JAKMIP1: variants seen among roughly 807,000 people sequenced by gnomAD.
The protein encoded by JAKMIP1 is janus kinase and microtubule-interacting protein 1.
A neutral mutation model predicts 113.0 loss-of-function variants in JAKMIP1; 33 were observed. The observed-to-expected ratio is 0.29, with a 90% CI of 0.22 to 0.39. The LOEUF is 0.39. JAKMIP1 is among the 10% of genes least tolerant of loss of function. The pLI is 1.00. For synonymous variants in JAKMIP1, 480 were observed against 459.9 expected (o/e 1.04, Z -0.56); for missense variants, 813 against 1,080.5 (o/e 0.75, Z 3.47).
chr4:6,144,735 C>A (rs180924750), intron 1 of JAKMIP1, among the ~76,000 whole-genome samples: 302 of 152,236 alleles, frequency 2.0e-3, no homozygotes, highest in African/African-American at 6.5e-3. Context: ...CTTTCACAAC[C>A]CAATAAAGAG....
At chr4:6,149,713 C>G (rs1721325754) in intron 1 of JAKMIP1, among the ~76,000 whole-genome samples, 1 of 152,054 alleles carries the variant, frequency 6.6e-6, no homozygotes, top group Non-Finnish European at 1.5e-5. Context: ...TTCTTCTGAT[C>G]TGGCCAGGGC....
chr4:6,048,278 A>G (rs975744690), intron 16 of JAKMIP1, among the ~76,000 whole-genome samples: 2 of 152,262 alleles, frequency 1.3e-5, no homozygotes, highest in Admixed American at 6.5e-5. Context: ...ACAATGCCGT[A>G]GTCCTTCAAG....
intron 1 of JAKMIP1, among the ~76,000 whole-genome samples, chr4:6,148,465 GAT>G (rs1475898323): frequency 6.6e-6 from 1 of 152,242 alleles, no homozygotes; most frequent in Non-Finnish European, 1.5e-5. Context: ...AGTCCTTCGA[GAT>G]ACACAGGACA....
chr4:6,105,952 C>A lies in JAKMIP1; in HGVS notation c.145G>T (p.Glu49Ter). Residue 49 changes from glutamate to a stop codon, truncating the protein, a stop_gained, in exon 3 of 21, where the codon GAG becomes TAG. Transcript: ENST00000409021. LOFTEE classifies it high-confidence loss of function. Reference protein sequence around the residue: ...QEKSKVGKLRERLQEAKLERE... With the variant: ...QEKSKVGKLR ...TCCAGCTTCGCCTCCTGCAGCCGCT[C>A]GCGCAGTTTGCCCACCTGCAGCCAG... 6.3e-7 allele frequency: 1 copy of A among 1,599,176 alleles called. No individual in the cohort carries two copies. The highest frequency in any genetic ancestry group is 1.1e-5 in the South Asian group (1 of 89,740).
chr4:6,125,737 ACCCACCATACAGAAACACACACG>A, intron 1 of JAKMIP1, among the ~76,000 whole-genome samples: 2 of 144,402 alleles, frequency 1.4e-5, no homozygotes, highest in Admixed American at 6.9e-5. Context: ...CACACACCAT[ACCCACCATACAGAAACACACACG>A]CACACCATAC....
chr4:6,040,607 A>T lies in JAKMIP1; in HGVS notation c.2175+32T>A. On this transcript the variant is annotated intron_variant, in intron 18 of 20. Coordinates refer to ENST00000409021, the MANE Select transcript of JAKMIP1 (RefSeq NM_001099433.2). This position sits in a 1 kb window ranked among gnomAD's most constrained non-coding sequence, Gnocchi z 5.8. Reference sequence around the variant, plus strand: ...GCAGCCTCTAATGTGGAGTCTAAGAAGCCAAAGTGTCAAACCCACTTCTGG... The same window carrying T: ...GCAGCCTCTAATGTGGAGTCTAAGATGCCAAAGTGTCAAACCCACTTCTGG... 6.5e-7 allele frequency: 1 copy of T among 1,540,606 alleles called. No individual in the cohort carries two copies. Among genetic ancestry groups the T allele is most frequent in the Non-Finnish European group, 9.0e-7 (1 of 1,114,454 alleles).
chr4:6,077,151 A>G (rs1376753343), intron 8 of JAKMIP1, among the ~76,000 whole-genome samples: 1 of 152,228 alleles, frequency 6.6e-6, no homozygotes, highest in Non-Finnish European at 1.5e-5. Flanking sequence ...GTACCTCAGA[A>G]TGTGACTTAT....
intron 11 of JAKMIP1, among the ~76,000 whole-genome samples, chr4:6,057,459 G>A (rs1480426575): frequency 6.6e-6 from 1 of 152,190 alleles, no homozygotes; most frequent in Non-Finnish European, 1.5e-5. Flanking sequence ...CTGAGAAGCA[G>A]AGGCCCGGCC....
At chr4:6,055,395 G>A (rs74908453) in intron 12 of JAKMIP1, among the ~76,000 whole-genome samples, 4,636 of 152,274 alleles carry the variant, frequency 0.03, 207 homozygotes, top group African/African-American at 0.092. Flanking sequence ...AATAAGCTAC[G>A]ATTTTAATTC....
chr4:6,094,404 C>T lies in JAKMIP1; in HGVS notation c.625-8775G>A, dbSNP rs1722524145. Among the ~76,000 whole-genome samples, 1 of 152,210 alleles carries T rather than the reference C, an allele frequency of 6.6e-6. No homozygotes were observed. Among genetic ancestry groups the T allele is most frequent in the Admixed American group, 6.5e-5 (1 of 15,286 alleles). On this transcript the variant is annotated intron_variant, in intron 3 of 20. Transcript: ENST00000409021. This position sits in a 1 kb window ranked among gnomAD's most constrained non-coding sequence, Gnocchi z 4.2. ...CCAGAAATGGGCCACTCCTACCCAA[C>T]TGACAGGAGGAATCGTGCTAAGAAA...
chr4:6,175,113 C>T (rs745995934), intron 1 of JAKMIP1, among the ~76,000 whole-genome samples: 1 of 152,148 alleles, frequency 6.6e-6, no homozygotes, highest in Non-Finnish European at 1.5e-5. Context: ...ACAAGTCCCC[C>T]CAAACTCCCC....
At chr4:6,121,686 C>T (rs568840831) in intron 1 of JAKMIP1, among the ~76,000 whole-genome samples, 19 of 152,306 alleles carry the variant, frequency 1.2e-4, no homozygotes, top group African/African-American at 3.1e-4. Context: ...GATCGCAGCG[C>T]GGCTCCAGCC....
In JAKMIP1 at chr4:6,187,676, C is replaced by G. The variant is rs777236453; in HGVS notation, c.-148+12577G>C. Among the ~76,000 whole-genome samples, 1 of 152,220 alleles carries G rather than the reference C, an allele frequency of 6.6e-6. No homozygotes were observed. The highest frequency in any genetic ancestry group is 2.4e-5 in the African/African-American group (1 of 41,468). On this transcript the variant is annotated intron_variant, in intron 1 of 20. Coordinates refer to ENST00000409021, the MANE Select transcript of JAKMIP1 (RefSeq NM_001099433.2). The surrounding 1 kb of genome is among the most constrained non-coding windows in gnomAD (Gnocchi z 4.2). ...GGTACCTTGATCTTGGACTTCCCAG[C>G]CTCTAGAACTGTGAGAAATAAATTT...
At position 6,103,268 on chromosome 4, in the gene JAKMIP1, C is replaced by A. The variant is rs1196289258; in HGVS notation, c.624+2205G>T. On this transcript the variant is annotated intron_variant, in intron 3 of 20. Transcript: ENST00000409021. ...TTTCTGCATCTATTAAGATGACTGA[C>A]CACGTTTTTCTTTTTTATCATATTA... Among the ~76,000 whole-genome samples, 5 of 152,070 alleles carry A rather than the reference C, an allele frequency of 3.3e-5. No individual in the cohort carries two copies. In the South Asian group the frequency reaches 6.2e-4, roughly 19 times the overall value.
chr4:6,128,661 C>G (rs959364468), intron 1 of JAKMIP1, among the ~76,000 whole-genome samples: 19 of 152,324 alleles, frequency 1.2e-4, no homozygotes, highest in African/African-American at 4.3e-4. Flanking sequence ...CCCTCCGGGG[C>G]TCGCTCCCCA....
chr4:6,039,798 G>A (rs1186852377), intron 18 of JAKMIP1, among the ~76,000 whole-genome samples: 2 of 152,178 alleles, frequency 1.3e-5, no homozygotes, highest in Admixed American at 6.5e-5. Context: ...GTCCATTTGA[G>A]CTAAGCCCAT....
In JAKMIP1 at chr4:6,187,842, T is replaced by C. The variant is rs1341498471; in HGVS notation, c.-148+12411A>G. 6.6e-6 allele frequency among the ~76,000 whole-genome samples: 1 copy of C among 152,244 alleles called. No homozygotes were observed. Among genetic ancestry groups the C allele is most frequent in the African/African-American group, 2.4e-5 (1 of 41,462 alleles). On this transcript the variant is annotated intron_variant, in intron 1 of 20. Coordinates refer to ENST00000409021, the MANE Select transcript of JAKMIP1 (RefSeq NM_001099433.2). The surrounding 1 kb of genome is among the most constrained non-coding windows in gnomAD (Gnocchi z 4.2). ...GCTTATTTAACCTATTCATCTTTAATAGTATTGATATAGTTGGACTTATGT... is the reference window on the plus strand; with the variant it reads ...GCTTATTTAACCTATTCATCTTTAACAGTATTGATATAGTTGGACTTATGT...
chr4:6,078,908 A>T, intron 8 of JAKMIP1, 31 bp downstream of exon 8: 1 of 1,612,852 alleles, frequency 6.2e-7, no homozygotes, highest in African/African-American at 1.3e-5. Flanking sequence ...CACAGCGGCA[A>T]GGTAGGGCAG....
At chr4:6,170,528 TCACCACCAC>T (rs1365903619) in intron 1 of JAKMIP1, among the ~76,000 whole-genome samples, 1 of 33,516 alleles carries the variant, frequency 3.0e-5, no homozygotes, top group Non-Finnish European at 6.3e-5. Context: ...ACCACCATTA[TCACCACCAC>T]CACCACCTCC....
Sources: gnomAD v4.1 joint callset for allele counts (sites outside exome capture counted in the v4.1 genomes callset) on GRCh38, gnomAD v4.1.1 for gene constraint, Gnocchi (gnomAD v3.1) non-coding constraint, MANE v1.5 for transcripts, NCBI Gene and HGNC (gene_info 2026-07-23, HGNC 2026-07-21) for gene names.